The following CLVS1 variants were observed in gnomAD, a reference collection of about 807,000 sequenced individuals.
CLVS1 encodes the protein clavesin-1.
CLVS1 carries 10 observed loss-of-function variants against 33.1 expected under a neutral mutation model. That is an observed-to-expected ratio of 0.30 (90% CI 0.19 to 0.51). The LOEUF is 0.51. CLVS1 is among the 20% of genes least tolerant of loss of function. The probability of loss-of-function intolerance (pLI) is 0.97; values close to 1 mark genes in which losing one functional copy is unlikely to be tolerated. For missense variants in CLVS1, 343 were observed against 433.4 expected (o/e 0.79, Z 1.85); for synonymous variants, 163 against 166.1 (o/e 0.98, Z 0.14).
At chr8:61,178,558 G>A (rs145449291) in intron 2 of CLVS1, among the ~76,000 whole-genome samples, 281 of 152,168 alleles carry the variant, frequency 1.8e-3, no homozygotes, top group African/African-American at 6.1e-3. Context: ...GATTCTCCAC[G>A]GTTGAAATGA....
At chr8:61,073,392 A>G (rs1278276578) in intron 1 of CLVS1, among the ~76,000 whole-genome samples, 1 of 152,160 alleles carries the variant, frequency 6.6e-6, no homozygotes, top group Admixed American at 6.5e-5. Context: ...TAAAACCATG[A>G]CTACATTTTA....
chr8:61,016,960 G>A, the CLVS1 span, among the ~76,000 whole-genome samples: 3 of 152,312 alleles, frequency 2.0e-5, no homozygotes, highest in Non-Finnish European at 4.4e-5. Context: ...GCCAAAATGA[G>A]ATCTCCCTTA....
chr8:61,001,392 G>A, the CLVS1 span, among the ~76,000 whole-genome samples: 9 of 152,150 alleles, frequency 5.9e-5, no homozygotes, highest in African/African-American at 1.7e-4. Flanking sequence ...TCTTCATACT[G>A]AGCTTCAGCA....
chr8:61,178,576 A>T (rs1353453380), intron 2 of CLVS1, among the ~76,000 whole-genome samples: 1 of 152,202 alleles, frequency 6.6e-6, no homozygotes, highest in Non-Finnish European at 1.5e-5. Context: ...TGAAGGAAAA[A>T]ATGTTAAGGG....
intron 2 of CLVS1, among the ~76,000 whole-genome samples, chr8:61,210,086 C>A (rs543591608): frequency 4.3e-4 from 66 of 152,308 alleles, no homozygotes; most frequent in Admixed American, 1.2e-3. Flanking sequence ...AGTAAACACT[C>A]AAAGTGAGAC....
At chr8:61,478,211 T>A (rs898821282) in intron 5 of CLVS1, among the ~76,000 whole-genome samples, 10 of 152,200 alleles carry the variant, frequency 6.6e-5, no homozygotes, top group Non-Finnish European at 1.2e-4. Context: ...TTCTTTTACA[T>A]TTGCTGAGGA....
At chr8:60,981,603 T>G in the CLVS1 span, among the ~76,000 whole-genome samples, 3 of 152,206 alleles carry the variant, frequency 2.0e-5, no homozygotes, top group African/African-American at 7.2e-5. Context: ...AATGTCATTG[T>G]GCAAATATCT....
chr8:61,150,360 C>T (rs528757641), intron 2 of CLVS1, among the ~76,000 whole-genome samples: 15 of 152,272 alleles, frequency 9.9e-5, no homozygotes, highest in African/African-American at 3.4e-4. Flanking sequence ...GTTGACCAGA[C>T]GCTTGGGCAG....
intron 2 of CLVS1, among the ~76,000 whole-genome samples, chr8:61,318,388 C>T (rs1268119163): frequency 6.6e-6 from 1 of 152,058 alleles, no homozygotes; most frequent in Non-Finnish European, 1.5e-5. Context: ...TACTGCATGC[C>T]AGATGTTTCC....
intron 2 of CLVS1, among the ~76,000 whole-genome samples, chr8:61,177,238 C>T (rs1319466538): frequency 1.3e-5 from 2 of 152,200 alleles, no homozygotes; most frequent in Non-Finnish European, 2.9e-5. Flanking sequence ...AGTGCCTCTT[C>T]AGGCCGGACA....
intron 2 of CLVS1, among the ~76,000 whole-genome samples, chr8:61,339,871 TAGAGAA>T (rs1319041072): frequency 4.7e-5 from 4 of 85,780 alleles, no homozygotes; most frequent in Admixed American, 4.2e-4. Context: ...AAAAAAGAAA[TAGAGAA>T]AGAGAAGGAG....
chr8:61,224,661 G>A (rs1331809689), intron 2 of CLVS1, among the ~76,000 whole-genome samples: 1 of 152,158 alleles, frequency 6.6e-6, no homozygotes, highest in African/African-American at 2.4e-5. Flanking sequence ...GTGGCATAGG[G>A]AGCAGGACCC....
chr8:61,092,723 C>A (rs997302939), intron 1 of CLVS1, among the ~76,000 whole-genome samples: 1 of 152,164 alleles, frequency 6.6e-6, no homozygotes, highest in Non-Finnish European at 1.5e-5. Flanking sequence ...AAGACCTTTG[C>A]GATTACCTGA....
chr8:61,225,110 A>G (rs931768065), intron 2 of CLVS1, among the ~76,000 whole-genome samples: 1 of 152,126 alleles, frequency 6.6e-6, no homozygotes, highest in African/African-American at 2.4e-5. Flanking sequence ...TGAGTTCAGG[A>G]GTTTGAGACC....
the CLVS1 span, among the ~76,000 whole-genome samples, chr8:60,995,053 A>G: frequency 1.3e-5 from 2 of 152,198 alleles, no homozygotes; most frequent in Non-Finnish European, 2.9e-5. Context: ...CTAAAACCAT[A>G]AAAACCCTAG....
At chr8:61,228,962 A>G (rs1353923938) in intron 2 of CLVS1, among the ~76,000 whole-genome samples, 1 of 152,200 alleles carries the variant, frequency 6.6e-6, no homozygotes, top group Non-Finnish European at 1.5e-5. Flanking sequence ...TAAAGGAACC[A>G]CCATGCTGTT....
chr8:61,236,978 A>T (rs1808577019), intron 2 of CLVS1, among the ~76,000 whole-genome samples: 1 of 152,238 alleles, frequency 6.6e-6, no homozygotes, highest in Non-Finnish European at 1.5e-5. Flanking sequence ...TGTGTTATTA[A>T]TATGGCTTCA....
Position 61,349,838 on chromosome 8 carries a change from G to C in CLVS1, c.456-26767G>C, listed in dbSNP as rs1812375372. Among the ~76,000 whole-genome samples, 9 of 152,066 alleles carry C rather than the reference G, an allele frequency of 5.9e-5. 1 individual carries two copies. The highest frequency in any genetic ancestry group is 5.9e-4 in the Admixed American group (9 of 15,254). ...GCTGGTTGGTAAAGGATTGCCTCCT[G>C]GCTCTCTAGCACTCCCCAAACACAG... On this transcript the variant is annotated intron_variant, in intron 2 of 5. Transcript: ENST00000325897.
chr8:61,431,150 G>A (rs2129605437), intron 3 of CLVS1, among the ~76,000 whole-genome samples: 1 of 152,206 alleles, frequency 6.6e-6, no homozygotes, highest in East Asian at 1.9e-4. Flanking sequence ...CACTTACATA[G>A]AGAAGTCAGT....
Sources: gnomAD v4.1 joint callset for allele counts (sites outside exome capture counted in the v4.1 genomes callset) on GRCh38, gnomAD v4.1.1 for gene constraint, MANE v1.5 for transcripts, NCBI Gene and HGNC (gene_info 2026-07-23, HGNC 2026-07-21) for gene names.